The following RASEF variants were observed in gnomAD, a reference collection of about 807,000 sequenced individuals.
RASEF encodes the protein RAS and EF-hand domain containing.
RASEF carries 68 observed loss-of-function variants against 90.1 expected under a neutral mutation model. That is an observed-to-expected ratio of 0.75 (90% CI 0.62 to 0.92). RASEF has a LOEUF of 0.92. Among genes scored for constraint, RASEF ranks in the 40% least tolerant of loss-of-function variants. The pLI, the probability that RASEF is intolerant of heterozygous loss-of-function variation, is 0.00. For synonymous variants in RASEF, 331 were observed against 345.2 expected (o/e 0.96, Z 0.46); for missense variants, 949 against 937.2 (o/e 1.01, Z -0.16).
chr9:83,123,237 C>CAA, the RASEF span, among the ~76,000 whole-genome samples: 37,845 of 82,978 alleles, frequency 0.46, 7,491 homozygotes, highest in East Asian at 0.7. Flanking sequence ...GAGACTCCAT[C>CAA]AAAAAAAAAA....
the RASEF span, among the ~76,000 whole-genome samples, chr9:83,144,595 G>A: frequency 2.8e-4 from 42 of 152,166 alleles, 1 homozygote; most frequent in South Asian, 8.1e-3. Flanking sequence ...TAGGACTGGT[G>A]GTGGGTATCT....
At chr9:83,105,709 G>A in the RASEF span, among the ~76,000 whole-genome samples, 1 of 152,156 alleles carries the variant, frequency 6.6e-6, no homozygotes, top group African/African-American at 2.4e-5. Flanking sequence ...GCCTGTAAAC[G>A]CTACGAAAAT....
rs115651997 is a variant in RASEF at position 83,018,435 on chromosome 9, C to A, written c.670-2535G>T. Among the ~76,000 whole-genome samples, 954 of 152,126 alleles carry A rather than the reference C, an allele frequency of 6.3e-3. 9 individuals carry two copies. Among genetic ancestry groups the A allele is most frequent in the African/African-American group, 0.022 (903 of 41,518 alleles). ...TACAAGATCTGTACAGTGAATAACA[C>A]AAAACATTGCTGAAAGAAGACATAG... On this transcript the variant is annotated intron_variant, in intron 3 of 16. Transcript: ENST00000376447.
At chr9:83,063,319 T>C (rs1042136785), upstream of RASEF, 2 of 173,818 alleles carry the variant, frequency 1.2e-5, no homozygotes, top group African/African-American at 2.4e-5. Flanking sequence ...GGGGGGAGCA[T>C]TGCCCTTCGG....
chr9:83,036,067 A>C (rs1489506490), intron 1 of RASEF, among the ~76,000 whole-genome samples: 1 of 152,164 alleles, frequency 6.6e-6, no homozygotes. Flanking sequence ...CATGCAGTGA[A>C]AAGATAGAAT....
the RASEF span, among the ~76,000 whole-genome samples, chr9:83,093,186 C>T: frequency 6.6e-6 from 1 of 152,178 alleles, no homozygotes; most frequent in Admixed American, 6.5e-5. Context: ...TTGAGCTAGA[C>T]ATAAAGGTTC....
chr9:83,124,302 G>C, the RASEF span, among the ~76,000 whole-genome samples: 1 of 152,026 alleles, frequency 6.6e-6, no homozygotes, highest in Non-Finnish European at 1.5e-5. Context: ...AATTCTTTGG[G>C]GTATTACACC....
At chr9:83,140,000 G>A in the RASEF span, among the ~76,000 whole-genome samples, 1 of 152,098 alleles carries the variant, frequency 6.6e-6, no homozygotes, top group African/African-American at 2.4e-5. Context: ...TGACTGGGGG[G>A]AATTAGTACT....
chr9:83,092,625 G>A, the RASEF span, among the ~76,000 whole-genome samples: 1 of 152,144 alleles, frequency 6.6e-6, no homozygotes, highest in Non-Finnish European at 1.5e-5. Context: ...GCAGTAGCGA[G>A]ATTTATTGCA....
intron 15 of RASEF, among the ~76,000 whole-genome samples, chr9:82,991,798 A>C (rs1339268161): frequency 1.3e-5 from 2 of 152,216 alleles, no homozygotes. Flanking sequence ...AATCATGGAG[A>C]GGGAATAAAG....
intron 4 of RASEF, among the ~76,000 whole-genome samples, chr9:83,014,805 T>C (rs1829314230): frequency 6.6e-6 from 1 of 152,142 alleles, no homozygotes; most frequent in African/African-American, 2.4e-5. Context: ...CTTGGTAGCA[T>C]GAAATCAGTA....
the RASEF span, among the ~76,000 whole-genome samples, chr9:83,165,278 T>C: frequency 6.6e-6 from 1 of 152,008 alleles, no homozygotes; most frequent in Non-Finnish European, 1.5e-5. Flanking sequence ...CCTTAATACA[T>C]TTAAGAGAAT....
At chr9:83,089,899 T>C in the RASEF span, among the ~76,000 whole-genome samples, 1 of 90,694 alleles carries the variant, frequency 1.1e-5, no homozygotes, top group African/African-American at 3.8e-5. Context: ...AGATGATAGA[T>C]AGATAGATAG....
chr9:83,213,289 A>C, the RASEF span, among the ~76,000 whole-genome samples: 1 of 151,756 alleles, frequency 6.6e-6, no homozygotes, highest in Admixed American at 6.6e-5. Flanking sequence ...AGTCCCAGCT[A>C]CTTGGGAGGC....
At chr9:82,992,382 T>C (rs1828831761) in intron 15 of RASEF, among the ~76,000 whole-genome samples, 1 of 152,146 alleles carries the variant, frequency 6.6e-6, no homozygotes, top group African/African-American at 2.4e-5. Context: ...TATATACAAA[T>C]GCATACCCCA....
chr9:83,208,052 C>T, the RASEF span, among the ~76,000 whole-genome samples: 3 of 152,178 alleles, frequency 2.0e-5, no homozygotes, highest in East Asian at 1.9e-4. Context: ...TTAAAGCAAA[C>T]GCTGTATTGT....
chr9:83,062,767 C>T lies in RASEF; in HGVS notation c.101G>A (p.Arg34Gln), dbSNP rs1267512256. 1 of 1,560,238 alleles carries T rather than the reference C, an allele frequency of 6.4e-7. No homozygotes were observed. Among genetic ancestry groups the T allele is most frequent in the Non-Finnish European group, 8.6e-7 (1 of 1,162,422 alleles). ...CACCCGCAGCTCCGTGCACAGTGCC[C>T]GGAACTCCTCGCGCTCCAGGCGCCC... ...RSGRLEREEF[R>Q]ALCTELRVRP... Residue 34 changes from arginine to glutamine, a missense_variant, in exon 1 of 17, where the codon CGG (arginine) becomes CAG (glutamine). Physicochemically the swap from Arg to Gln is conservative, Grantham distance 43 (BLOSUM62 1). Transcript: ENST00000376447.
chr9:83,097,994 T>C, the RASEF span, among the ~76,000 whole-genome samples: 1 of 152,148 alleles, frequency 6.6e-6, no homozygotes, highest in Admixed American at 6.5e-5. Flanking sequence ...AATAAGAAAA[T>C]TGTGAGTCTG....
chr9:83,061,094 C>A (rs959485613), intron 1 of RASEF, among the ~76,000 whole-genome samples: 7 of 152,144 alleles, frequency 4.6e-5, no homozygotes, highest in African/African-American at 1.2e-4. Context: ...TAACTAGCTG[C>A]ACCCAAACTA....
Sources: gnomAD v4.1 joint callset for allele counts (sites outside exome capture counted in the v4.1 genomes callset) on GRCh38, gnomAD v4.1.1 for gene constraint, MANE v1.5 for transcripts, NCBI Gene and HGNC (gene_info 2026-07-23, HGNC 2026-07-21) for gene names.